RAP1GDS1: variants seen among roughly 807,000 people sequenced by gnomAD.
RAP1GDS1 encodes the protein RAP1, GTP-GDP dissociation stimulator 1.
Under a neutral mutation model 71.1 loss-of-function variants are expected in RAP1GDS1, and 35 were observed. That is an observed-to-expected ratio of 0.49 (90% CI 0.38 to 0.65). The LOEUF is 0.65. Among genes scored for constraint, RAP1GDS1 ranks in the 30% least tolerant of loss-of-function variants. RAP1GDS1 has a pLI of 0.00. For missense variants in RAP1GDS1, 663 were observed against 706.1 expected, an observed-to-expected ratio of 0.94 and a Z score of 0.69; for synonymous variants, 229 against 243.1, an observed-to-expected ratio of 0.94 and a Z score of 0.54.
intron 2 of RAP1GDS1, among the ~76,000 whole-genome samples, chr4:98,326,272 A>G (rs1277497279): frequency 6.6e-6 from 1 of 152,198 alleles, no homozygotes; most frequent in Non-Finnish European, 1.5e-5. Context: ...ATAAATCAAA[A>G]ACCTCTACCA....
chr4:98,401,195 G>A (rs959580945), intron 6 of RAP1GDS1, among the ~76,000 whole-genome samples: 2 of 152,186 alleles, frequency 1.3e-5, no homozygotes, highest in African/African-American at 4.8e-5. Context: ...TACAGGAAAT[G>A]AAATTGATTA....
At chr4:98,289,554 CAAAAAAAA>C (rs6148589) in intron 1 of RAP1GDS1, among the ~76,000 whole-genome samples, 37 of 101,980 alleles carry the variant, frequency 3.6e-4, no homozygotes, top group South Asian at 6.4e-4. Context: ...CTCTGGTAAA[CAAAAAAAA>C]AAAAAAAAAA....
chr4:98,388,044 T>C (rs967395522), intron 5 of RAP1GDS1, among the ~76,000 whole-genome samples: 2 of 152,204 alleles, frequency 1.3e-5, no homozygotes, highest in Non-Finnish European at 2.9e-5. Context: ...GCAAGTTTTC[T>C]TTGGGCAATA....
chr4:98,325,949 G>GT (rs1462740425), intron 2 of RAP1GDS1, among the ~76,000 whole-genome samples: 1 of 151,476 alleles, frequency 6.6e-6, no homozygotes, highest in Non-Finnish European at 1.5e-5. Flanking sequence ...TGTAGTTGTA[G>GT]TGCTAGATAT....
chr4:98,420,055 C>T lies in RAP1GDS1; in HGVS notation c.1211C>T (p.Thr404Ile). ...GCAAAGATGTTATCAGCTGGGGTCA[C>T]AGAGGCAGTTTTGAAATTTCTTAAA... The part of the protein sequence containing the change: ...NKAKMLSAGV[T>I]EAVLKFLKSE... The change falls in exon 11 of 15, where the codon ACA (threonine) becomes ATA (isoleucine). Residue 404 changes from threonine to isoleucine, a missense_variant. Transcript: ENST00000408927. 1 of 1,607,198 alleles carries T rather than the reference C, an allele frequency of 6.2e-7. No individual in the cohort carries two copies. Among genetic ancestry groups the T allele is most frequent in the Non-Finnish European group, 8.5e-7 (1 of 1,176,434 alleles).
chr4:98,437,385 T>C (rs1289761731), intron 14 of RAP1GDS1, among the ~76,000 whole-genome samples: 1 of 152,222 alleles, frequency 6.6e-6, no homozygotes, highest in Admixed American at 6.5e-5. Context: ...AAGTATCATA[T>C]AGCAAATCTA....
chr4:98,398,560 A>T (rs183496218), intron 6 of RAP1GDS1, among the ~76,000 whole-genome samples: 6 of 152,180 alleles, frequency 3.9e-5, no homozygotes, highest in Non-Finnish European at 8.8e-5. Flanking sequence ...AGAAAATGCA[A>T]TGTTGCCTTC....
chr4:98,307,787 GA>G (rs1729544794), intron 2 of RAP1GDS1, among the ~76,000 whole-genome samples: 5 of 152,140 alleles, frequency 3.3e-5, no homozygotes, highest in South Asian at 4.1e-4. Flanking sequence ...TTTGCAATCA[GA>G]ACATCTACAA....
chr4:98,353,157 C>CTGGG (rs1737465531), intron 4 of RAP1GDS1, among the ~76,000 whole-genome samples: 1 of 152,180 alleles, frequency 6.6e-6, no homozygotes, highest in Admixed American at 6.5e-5. Flanking sequence ...AAAGCAAGAA[C>CTGGG]TGGGGTATGG....
At chr4:98,437,483 A>G (rs548939438) in intron 14 of RAP1GDS1, among the ~76,000 whole-genome samples, 1 of 152,316 alleles carries the variant, frequency 6.6e-6, no homozygotes, top group Non-Finnish European at 1.5e-5. Context: ...TTTGTATGCC[A>G]TAATATTAAC....
intron 3 of RAP1GDS1, among the ~76,000 whole-genome samples, chr4:98,348,189 C>A (rs977360409): frequency 6.6e-6 from 1 of 150,404 alleles, no homozygotes; most frequent in Non-Finnish European, 1.5e-5. Flanking sequence ...TTATTCAATT[C>A]CCACCTGTGA....
At chr4:98,378,536 A>G (rs762213688) in intron 4 of RAP1GDS1, among the ~76,000 whole-genome samples, 17 of 151,992 alleles carry the variant, frequency 1.1e-4, no homozygotes, top group Non-Finnish European at 1.8e-4. Flanking sequence ...AATAAGAGCT[A>G]TTATCAAAGA....
At chr4:98,390,201 C>T (rs918628607) in intron 5 of RAP1GDS1, among the ~76,000 whole-genome samples, 1 of 152,062 alleles carries the variant, frequency 6.6e-6, no homozygotes, top group Non-Finnish European at 1.5e-5. Context: ...ATGATTATTA[C>T]AAATACTATA....
At chr4:98,436,002 C>T (rs1295880992) in intron 13 of RAP1GDS1, among the ~76,000 whole-genome samples, 3 of 150,878 alleles carry the variant, frequency 2.0e-5, no homozygotes, top group East Asian at 3.9e-4. Context: ...ACCCAGGAGG[C>T]GGAGCTTGCA....
intron 2 of RAP1GDS1, among the ~76,000 whole-genome samples, chr4:98,337,624 GAC>G (rs774744001): frequency 4.5e-4 from 68 of 152,256 alleles, no homozygotes; most frequent in South Asian, 2.1e-3. Flanking sequence ...AAAAAATTAA[GAC>G]ACAGTGTTTA....
intron 4 of RAP1GDS1, among the ~76,000 whole-genome samples, chr4:98,362,499 A>G (rs1738885066): frequency 6.6e-6 from 1 of 152,170 alleles, no homozygotes; most frequent in Admixed American, 6.5e-5. Flanking sequence ...AACACAATGT[A>G]GGTATGTCTA....
At position 98,368,546 on chromosome 4, in the gene RAP1GDS1, A is replaced by G. The variant is rs532443111; in HGVS notation, c.362-10471A>G. On this transcript the variant is annotated intron_variant, in intron 4 of 14. Transcript: ENST00000408927. The stretch of plus-strand genomic sequence containing the variant: ...GGTGACTTTATGTTAAAATTGATTG[A>G]CTAACAACCAAGCCTCCAGGTAAAA... Among the ~76,000 whole-genome samples the G allele has an allele frequency of 1.2e-4, 18 of 152,186 alleles. 1 individual carries two copies. The highest frequency in any genetic ancestry group is 1.6e-4 in the Non-Finnish European group (11 of 68,022).
chr4:98,400,227 G>A (rs1218751378), intron 6 of RAP1GDS1, among the ~76,000 whole-genome samples: 1 of 151,884 alleles, frequency 6.6e-6, no homozygotes, highest in Non-Finnish European at 1.5e-5. Context: ...TTATCAAAAG[G>A]AAAGGAAGTC....
At chr4:98,398,006 C>T (rs1744800793) in intron 6 of RAP1GDS1, among the ~76,000 whole-genome samples, 1 of 152,062 alleles carries the variant, frequency 6.6e-6, no homozygotes, top group African/African-American at 2.4e-5. Context: ...CAAGACTACT[C>T]GTACTCATAG....
Sources: gnomAD v4.1 joint callset for allele counts (sites outside exome capture counted in the v4.1 genomes callset) on GRCh38, gnomAD v4.1.1 for gene constraint, MANE v1.5 for transcripts, NCBI Gene and HGNC (gene_info 2026-07-23, HGNC 2026-07-21) for gene names.